LINGO1: variants seen among roughly 807,000 people sequenced by gnomAD.
LINGO1 encodes the protein leucine-rich repeat and immunoglobulin-like domain-containing nogo receptor-interacting protein 1.
Under a neutral mutation model 37.3 loss-of-function variants are expected in LINGO1, and 11 were observed. The ratio of observed to expected loss-of-function variants is 0.29; its 90% confidence interval spans 0.19 to 0.49. LINGO1 has a LOEUF of 0.49. LINGO1 is among the 20% of genes least tolerant of loss of function. The pLI is 0.99. For synonymous variants in LINGO1, 387 were observed against 403.0 expected (o/e 0.96, Z 0.48); for missense variants, 585 against 878.2 (o/e 0.67, Z 4.22).
chr15:77,661,714 C>G (rs140090494), intron 3 of LINGO1, among the ~76,000 whole-genome samples: 53 of 152,344 alleles, frequency 3.5e-4, no homozygotes, highest in African/African-American at 1.1e-3. Flanking sequence ...CTACTGATCG[C>G]CCCACCCTCT....
At chr15:77,747,988 C>T (rs991711837) in intron 1 of LINGO1, among the ~76,000 whole-genome samples, 3 of 152,222 alleles carry the variant, frequency 2.0e-5, no homozygotes, top group African/African-American at 4.8e-5. Context: ...GGCCAAAGGG[C>T]GCACAGCTGG....
intron 1 of LINGO1, among the ~76,000 whole-genome samples, chr15:77,814,811 A>C (rs2077035002): frequency 6.6e-6 from 1 of 152,224 alleles, no homozygotes; most frequent in South Asian, 2.1e-4. Context: ...TCAGAGTTTC[A>C]GAATCAGCGC....
intron 2 of LINGO1, among the ~76,000 whole-genome samples, chr15:77,679,668 G>A (rs2075382523): frequency 6.6e-6 from 1 of 152,212 alleles, no homozygotes; most frequent in Non-Finnish European, 1.5e-5. Context: ...GATCCCAGGT[G>A]TCCTGGAGTC....
At chr15:77,690,290 T>C (rs2075581231) in intron 2 of LINGO1, among the ~76,000 whole-genome samples, 2 of 152,206 alleles carry the variant, frequency 1.3e-5, no homozygotes, top group Non-Finnish European at 2.9e-5. Context: ...TCGAGGACTT[T>C]CGTTTGTTCT....
intron 3 of LINGO1, among the ~76,000 whole-genome samples, chr15:77,658,287 C>A (rs1275462885): frequency 6.6e-6 from 1 of 152,196 alleles, no homozygotes; most frequent in Non-Finnish European, 1.5e-5. Context: ...CTCTGGGACT[C>A]CCAAAGCCCA....
chr15:77,634,364 C>T, upstream of LINGO1: 1 of 455,978 alleles, frequency 2.2e-6, no homozygotes, highest in Non-Finnish European at 4.4e-6. Flanking sequence ...GCACTTTCTC[C>T]TGTCTCCTAT....
intron 1 of LINGO1, among the ~76,000 whole-genome samples, chr15:77,737,337 G>A (rs1043860528): frequency 3.9e-5 from 6 of 152,150 alleles, no homozygotes; most frequent in African/African-American, 1.4e-4. Flanking sequence ...GGCTCAGAGA[G>A]GTTATGCTGC....
chr15:77,629,896 A>G (rs2074202359), intron 1 of LINGO1, among the ~76,000 whole-genome samples: 1 of 152,110 alleles, frequency 6.6e-6, no homozygotes, highest in African/African-American at 2.4e-5. Flanking sequence ...AGGAGGGGCA[A>G]TGACTTGAAG....
chr15:77,722,861 G>A (rs12915704), intron 2 of LINGO1, among the ~76,000 whole-genome samples: 1 of 151,914 alleles, frequency 6.6e-6, no homozygotes, highest in Non-Finnish European at 1.5e-5. Flanking sequence ...TAACCCAGGG[G>A]TGCACTCTCC....
intron 1 of LINGO1, among the ~76,000 whole-genome samples, chr15:77,741,285 C>A (rs1182854663): frequency 6.6e-6 from 1 of 152,226 alleles, no homozygotes; most frequent in Non-Finnish European, 1.5e-5. Context: ...GAGTCAGCAG[C>A]ACCCCAAGCC....
At chr15:77,776,518 A>AAGGGAGGAAGGG (rs1250058515) in intron 1 of LINGO1, among the ~76,000 whole-genome samples, 1 of 49,534 alleles carries the variant, frequency 2.0e-5, no homozygotes, top group Non-Finnish European at 4.3e-5. Flanking sequence ...GGAAGGCAGG[A>AAGGGAGGAAGGG]AGGGAGGAAG....
chr15:77,707,802 C>T (rs2075870680), intron 2 of LINGO1, among the ~76,000 whole-genome samples: 1 of 152,100 alleles, frequency 6.6e-6, no homozygotes, highest in African/African-American at 2.4e-5. Context: ...TCAGGGTTTG[C>T]CAGGATGCCA....
At chr15:77,655,176 A>C (rs1041554237) in intron 3 of LINGO1, among the ~76,000 whole-genome samples, 5 of 152,156 alleles carry the variant, frequency 3.3e-5, no homozygotes, top group African/African-American at 1.2e-4. Flanking sequence ...CTCCACCTAC[A>C]GGGTCGGGAG....
At position 77,672,226 on chromosome 15, in the gene LINGO1, C is replaced by CG. The variant is rs541258945; in HGVS notation, c.-13+4862dup. Among the ~76,000 whole-genome samples, 121 of 151,524 alleles carry CG rather than the reference C, an allele frequency of 8.0e-4. 1 individual carries two copies. The highest frequency in any genetic ancestry group is 7.2e-3 in the South Asian group (34 of 4,744). Reference sequence around the variant, plus strand: ...CTCAGTGCCGCCTCCCTCTCAAGCCCGGGGGGAAGCTGTAGATTGCTGGGT... The same window carrying CG: ...CTCAGTGCCGCCTCCCTCTCAAGCCCGGGGGGGAAGCTGTAGATTGCTGGGT... On this transcript the variant is annotated intron_variant, in intron 3 of 3. Coordinates refer to the LINGO1 transcript ENST00000559893.
chr15:77,681,058 G>C (rs2075405317), intron 2 of LINGO1, among the ~76,000 whole-genome samples: 2 of 152,026 alleles, frequency 1.3e-5, no homozygotes, highest in Admixed American at 1.3e-4. Context: ...GGCTGCAGTG[G>C]AATCCACCCA....
intron 1 of LINGO1, among the ~76,000 whole-genome samples, chr15:77,738,267 C>CACGATG (rs2076222108): frequency 6.6e-6 from 1 of 152,148 alleles, no homozygotes; most frequent in African/African-American, 2.4e-5. Context: ...ATCAGAGCAG[C>CACGATG]ACGATGACGG....
chr15:77,657,938 A>G (rs1434305448), intron 3 of LINGO1, among the ~76,000 whole-genome samples: 1 of 151,926 alleles, frequency 6.6e-6, no homozygotes, highest in Non-Finnish European at 1.5e-5. Flanking sequence ...TTTTTAAAAA[A>G]CCGCACACAC....
chr15:77,783,838 G>A (rs536236091), intron 1 of LINGO1, among the ~76,000 whole-genome samples: 5 of 152,268 alleles, frequency 3.3e-5, no homozygotes, highest in African/African-American at 7.2e-5. Context: ...TTTTTTCCTC[G>A]GTGCTGGACC....
rs540796339 is a variant in LINGO1, at chr15:77,614,877, C to G, written c.1030G>C (p.Gly344Arg). Residue 344 changes from glycine (G) to arginine (R), a missense_variant, in exon 2 of 2, where the codon GGC becomes CGC. Gly to Arg is a moderately radical substitution (Grantham distance 125). Transcript: ENST00000355300. ...LNYLRVLNVS[G>R]NQLTTLEESV... ...TCCTCCAGTGTGGTCAGCTGGTTGC[C>G]AGAGACATTGAGCACGCGCAGGTAG... is the stretch of plus-strand genomic sequence containing the variant. 2 of 1,613,932 alleles carry G rather than the reference C, an allele frequency of 1.2e-6. No individual in the cohort carries two copies. Among genetic ancestry groups the G allele is most frequent in the Admixed American group, 3.3e-5 (2 of 60,012 alleles).
Sources: gnomAD v4.1 joint callset for allele counts (sites outside exome capture counted in the v4.1 genomes callset) on GRCh38, gnomAD v4.1.1 for gene constraint, MANE v1.5 for transcripts, NCBI Gene and HGNC (gene_info 2026-07-23, HGNC 2026-07-21) for gene names.